Variants in PTPRJ observed in about 807,000 individuals in gnomAD.
The protein encoded by PTPRJ is receptor-type tyrosine-protein phosphatase eta.
Under a neutral mutation model 141.3 loss-of-function variants are expected in PTPRJ, and 129 were observed. That is an observed-to-expected ratio of 0.91 (90% CI 0.79 to 1.06). The LOEUF (loss-of-function observed/expected upper bound fraction) is 1.06, where lower values mean the gene tolerates loss of function less well. Ranked by LOEUF, PTPRJ falls within the 50% of genes least tolerant of loss-of-function variation. The pLI is 0.00. For missense variants in PTPRJ, 1,601 were observed against 1,679.7 expected, an observed-to-expected ratio of 0.95 and a Z score of 0.82; for synonymous variants, 610 against 640.5, an observed-to-expected ratio of 0.95 and a Z score of 0.72.
chr11:48,046,891 T>C (rs1854413440), intron 1 of PTPRJ, among the ~76,000 whole-genome samples: 1 of 72,744 alleles, frequency 1.4e-5, no homozygotes, highest in Non-Finnish European at 3.2e-5. Context: ...TATGTTTACA[T>C]ATATATATAT....
intron 1 of PTPRJ, among the ~76,000 whole-genome samples, chr11:48,050,790 A>G (rs2134246731): frequency 6.6e-6 from 1 of 152,276 alleles, no homozygotes; most frequent in African/African-American, 2.4e-5. Context: ...CCCTCCTGTT[A>G]CGCCATGAAT....
At chr11:48,149,666 C>G in intron 16 of PTPRJ, 178 bp downstream of exon 16, 2 of 552,822 alleles carry the variant, frequency 3.6e-6, no homozygotes, top group Non-Finnish European at 6.2e-6. Context: ...TTATTAGTCT[C>G]CTGAAGCTGG....
At chr11:48,088,708 A>G (rs963102042) in intron 1 of PTPRJ, among the ~76,000 whole-genome samples, 2 of 152,082 alleles carry the variant, frequency 1.3e-5, no homozygotes, top group African/African-American at 4.8e-5. Context: ...TACTTGAGTA[A>G]CATAAGAGCT....
Position 48,168,648 on chromosome 11 carries a change from G to T in PTPRJ, c.*1286G>T, listed in dbSNP as rs1469065008. The T allele has an allele frequency of 3.6e-5, 5 of 138,588 alleles. No homozygotes were observed. The highest frequency in any genetic ancestry group is 1.4e-4 in the African/African-American group (5 of 36,870). 8.6% of individuals were successfully genotyped at this position (138,588 alleles called of 1,614,324 possible). ...GTACAAAGTTTGAATTTGTATCAAA[G>T]ATGTAATTATTATTTTTAAAACCTT... On this transcript the variant is annotated 3_prime_UTR_variant, in exon 25 of 25. Coordinates refer to ENST00000418331, the MANE Select transcript of PTPRJ (RefSeq NM_002843.4).
At chr11:48,076,477 T>C (rs1180151005) in intron 1 of PTPRJ, among the ~76,000 whole-genome samples, 1 of 152,222 alleles carries the variant, frequency 6.6e-6, no homozygotes, top group Non-Finnish European at 1.5e-5. Flanking sequence ...ATCAGGGAGC[T>C]CTTGTGTTCA....
Position 48,022,407 on chromosome 11 carries a change from C to T in PTPRJ, c.96+41399C>T, listed in dbSNP as rs1464188455. ...TGAACCTGGGAGGCAGAGGTTGCAG[C>T]GAGCCGAGATCGTGCCATTGCATTC... On this transcript the variant is annotated intron_variant, in intron 1 of 24. Transcript: ENST00000418331. Among the ~76,000 whole-genome samples, 6 of 150,646 alleles carry T rather than the reference C, an allele frequency of 4.0e-5. No homozygotes were observed. The East Asian group carries it at 5.8e-4, about 15-fold the overall frequency.
intron 1 of PTPRJ, among the ~76,000 whole-genome samples, chr11:48,007,174 C>G (rs1049182353): frequency 3.3e-5 from 5 of 152,068 alleles, no homozygotes; most frequent in Admixed American, 3.3e-4. Context: ...AATCTCTGCT[C>G]ACTGCAAGCT....
Position 48,122,452 on chromosome 11 carries a change from G to A in PTPRJ, c.617-1161G>A, listed in dbSNP as rs1011593963. 2.6e-5 allele frequency among the ~76,000 whole-genome samples: 4 copies of A among 152,296 alleles called. No individual in the cohort carries two copies. In the East Asian group the frequency reaches 5.8e-4, roughly 22 times the overall value. On this transcript the variant is annotated intron_variant, in intron 4 of 24. Coordinates refer to ENST00000418331, the MANE Select transcript of PTPRJ (RefSeq NM_002843.4). ...TGGGAGCAGGTCCATCAGCTGCTGCGTATTGAGCACGGCACATGTGCCTCT... is the reference window on the plus strand; with the variant it reads ...TGGGAGCAGGTCCATCAGCTGCTGCATATTGAGCACGGCACATGTGCCTCT...
At chr11:48,093,985 C>A (rs1323129036) in intron 1 of PTPRJ, among the ~76,000 whole-genome samples, 2 of 152,204 alleles carry the variant, frequency 1.3e-5, no homozygotes, top group East Asian at 3.8e-4. Flanking sequence ...CATCTGTGAG[C>A]AGGTGTTGAA....
chr11:48,075,850 T>A (rs540473746), intron 1 of PTPRJ, among the ~76,000 whole-genome samples: 2 of 152,318 alleles, frequency 1.3e-5, no homozygotes, highest in Non-Finnish European at 2.9e-5. Context: ...TTTTCCAGCC[T>A]CATTCCCTGA....
intron 1 of PTPRJ, among the ~76,000 whole-genome samples, chr11:48,001,878 C>T (rs192684891): frequency 1.3e-5 from 2 of 152,250 alleles, no homozygotes; most frequent in East Asian, 1.9e-4. Context: ...CTTGGTAAAC[C>T]GTAGTTACCC....
chr11:48,128,126 A>G, intron 7 of PTPRJ, 83 bp downstream of exon 7: 1 of 1,490,556 alleles, frequency 6.7e-7, no homozygotes, highest in Admixed American at 1.8e-5. Context: ...TGATGTAGTA[A>G]TGGTGACTGT....
intron 12 of PTPRJ, 42 bp from the exon 13 acceptor site, chr11:48,144,633 C>A: frequency 6.7e-7 from 1 of 1,491,198 alleles, no homozygotes. Flanking sequence ...AATCTCTCTG[C>A]CATCACTTTC....
At chr11:48,074,194 G>A (rs966994143) in intron 1 of PTPRJ, among the ~76,000 whole-genome samples, 3 of 151,870 alleles carry the variant, frequency 2.0e-5, no homozygotes, top group African/African-American at 7.3e-5. Context: ...TGCTCAGGCT[G>A]TAATTTTTAA....
At chr11:48,159,908 T>C in intron 21 of PTPRJ, 22 bp from the exon 22 acceptor site, 1 of 1,613,186 alleles carries the variant, frequency 6.2e-7, no homozygotes, top group Middle Eastern at 1.7e-4. Flanking sequence ...AGTCTTCTTA[T>C]AAAAATGCAA....
intron 1 of PTPRJ, among the ~76,000 whole-genome samples, chr11:48,074,226 G>A (rs1855341327): frequency 6.6e-6 from 1 of 151,972 alleles, no homozygotes; most frequent in Non-Finnish European, 1.5e-5. Context: ...AGAAAAAAAA[G>A]TGTTTACAGG....
At chr11:48,027,028 G>A (rs540073935) in intron 1 of PTPRJ, among the ~76,000 whole-genome samples, 35 of 122,478 alleles carry the variant, frequency 2.9e-4, no homozygotes, top group African/African-American at 1.0e-3. Flanking sequence ...TTTTTGAGAC[G>A]GCGTCTCGCT....
chr11:48,073,947 T>TA (rs1042144159), intron 1 of PTPRJ, among the ~76,000 whole-genome samples: 3 of 152,214 alleles, frequency 2.0e-5, no homozygotes, highest in Admixed American at 6.5e-5. Context: ...TATTAAACTT[T>TA]AAAAAACCAT....
At chr11:48,149,653 G>C (rs938045122) in intron 16 of PTPRJ, 165 bp downstream of exon 16, 35 of 559,630 alleles carry the variant, frequency 6.3e-5, no homozygotes, top group Admixed American at 1.2e-4. Flanking sequence ...AGGAATCTAT[G>C]TTTTATTAGT....
Sources: allele counts gnomAD v4.1 joint callset (sites outside exome capture counted in the v4.1 genomes callset), GRCh38; gene constraint gnomAD v4.1.1; transcripts MANE v1.5; gene names NCBI Gene and HGNC (gene_info 2026-07-23, HGNC 2026-07-21).